The following FAM168A variants were observed in gnomAD, a reference collection of about 807,000 sequenced individuals.
The protein encoded by FAM168A is family with sequence similarity 168 member A.
In FAM168A, 3 loss-of-function variants were observed where a neutral mutation model predicts 28.5. That is an observed-to-expected ratio of 0.11 (90% CI 0.05 to 0.27). The LOEUF is 0.27. Ranked by LOEUF, FAM168A falls within the 10% of genes least tolerant of loss-of-function variation. The pLI is 1.00. For missense variants in FAM168A, 222 were observed against 311.5 expected (o/e 0.71, Z 2.16); for synonymous variants, 122 against 124.2 (o/e 0.98, Z 0.12).
chr11:73,543,486 C>A (rs541743945), intron 1 of FAM168A, among the ~76,000 whole-genome samples: 9 of 152,170 alleles, frequency 5.9e-5, no homozygotes, highest in African/African-American at 1.9e-4. Context: ...GTCTCAAACT[C>A]CCGACTTCAG....
intron 1 of FAM168A, among the ~76,000 whole-genome samples, chr11:73,541,142 T>A (rs985435301): frequency 6.6e-6 from 1 of 151,450 alleles, no homozygotes; most frequent in Non-Finnish European, 1.5e-5. Flanking sequence ...GAGGTGGAGG[T>A]TGCAGTGAGC....
chr11:73,407,537 G>T lies in FAM168A; in HGVS notation c.702C>A (p.His234Gln). ...CTTGGATGGGCTGCAGGCTTTACCA[G>T]TGTGGGGGCACGTAGCTGTACGCAG... ...GTPAYSYVPP[H>Q]W The change falls in exon 7 of 8, where the codon CAC becomes CAA. Residue 234 changes from histidine (H) to glutamine (Q), a missense_variant. By Grantham distance (24) the His-to-Gln change is conservative. This residue lies in a region of FAM168A where 64 missense variants were observed against 94.6 expected (regional missense o/e 0.68). Transcript: ENST00000356467. 1 of 1,589,264 alleles carries T rather than the reference G, an allele frequency of 6.3e-7. No homozygotes were observed. The highest frequency in any genetic ancestry group is 8.5e-7 in the Non-Finnish European group (1 of 1,171,450).
chr11:73,556,128 T>TG (rs11383361), intron 1 of FAM168A, among the ~76,000 whole-genome samples: 152,070 of 152,070 alleles, frequency 1, 76,035 homozygotes, highest in Non-Finnish European at 1. Flanking sequence ...GAGGATCATT[T>TG]GGGCCAGGAG....
chr11:73,471,189 G>C (rs1186098384), intron 1 of FAM168A, among the ~76,000 whole-genome samples: 2 of 152,088 alleles, frequency 1.3e-5, no homozygotes, highest in African/African-American at 4.8e-5. Flanking sequence ...ATAGTTTCAG[G>C]GACAGGCTAA....
chr11:73,544,003 A>T (rs1332032651), intron 1 of FAM168A, among the ~76,000 whole-genome samples: 1 of 152,188 alleles, frequency 6.6e-6, no homozygotes, highest in Non-Finnish European at 1.5e-5. Flanking sequence ...ATGGTGGCAC[A>T]TGCCTGTAGT....
chr11:73,595,759 A>G (rs1944434710), intron 1 of FAM168A, among the ~76,000 whole-genome samples: 1 of 152,262 alleles, frequency 6.6e-6, no homozygotes, highest in South Asian at 2.1e-4. Flanking sequence ...TCATTCCCCA[A>G]AAAATAAAAT....
At chr11:73,483,193 C>T (rs1382073175) in intron 1 of FAM168A, among the ~76,000 whole-genome samples, 14 of 152,134 alleles carry the variant, frequency 9.2e-5, no homozygotes, top group African/African-American at 2.7e-4. Context: ...CATGTAAACA[C>T]GATAAATTGT....
chr11:73,566,237 T>A (rs188813930), intron 1 of FAM168A, among the ~76,000 whole-genome samples: 1 of 152,240 alleles, frequency 6.6e-6, no homozygotes, highest in South Asian at 2.1e-4. Context: ...TTGTGTCTAT[T>A]GTAAATTAAA....
chr11:73,434,683 A>G (rs1336635091), intron 2 of FAM168A, among the ~76,000 whole-genome samples: 4 of 152,240 alleles, frequency 2.6e-5, no homozygotes, highest in Non-Finnish European at 4.4e-5. Flanking sequence ...GTGAGGACTT[A>G]GACTTCTATT....
intron 1 of FAM168A, among the ~76,000 whole-genome samples, chr11:73,477,581 C>T (rs967268159): frequency 6.6e-6 from 1 of 151,796 alleles, no homozygotes; most frequent in African/African-American, 2.4e-5. Context: ...GAGAAAATTT[C>T]AAAAGTGGCA....
Position 73,400,917 on chromosome 11 carries a change from A to G in FAM168A, c.*5846T>C, listed in dbSNP as rs1166683587. On this transcript the variant is annotated 3_prime_UTR_variant, in exon 8 of 8. Coordinates refer to ENST00000356467, the MANE Select transcript of FAM168A (RefSeq NM_015159.3). ...TGATCACTGTCTGATCTTCAAAACA[A>G]AACAAAAACCCAAAAGAATCCAAAA... is the stretch of plus-strand genomic sequence containing the variant. The G allele has an allele frequency of 1.3e-5, 2 of 152,098 alleles. No homozygotes were observed. Among genetic ancestry groups the G allele is most frequent in the African/African-American group, 2.4e-5 (1 of 41,398 alleles). The allele number at this position is 152,098 out of a possible 1,614,324, so 9.4% of individuals were successfully genotyped here.
In FAM168A at chr11:73,468,426, G is replaced by T. The variant is rs1867769048; in HGVS notation, c.49C>A (p.Pro17Thr). The change falls in exon 2 of 8, where the codon CCT (proline) becomes ACT (threonine). Residue 17 changes from proline to threonine, a missense_variant. By Grantham distance (38) the Pro-to-Thr change is conservative. Coordinates refer to ENST00000356467, the MANE Select transcript of FAM168A (RefSeq NM_015159.3). ...PVQPGAPYGNPKNMAYTGYPT... is the reference protein window; with the variant it reads ...PVQPGAPYGNTKNMAYTGYPT... ...TCACCCGTGTAGGCCATGTTCTTAG[G>T]GTTGCCATAAGGAGCCCCAGGCTGC... 1.2e-6 allele frequency: 2 copies of T among 1,613,920 alleles called. No homozygotes were observed. Among genetic ancestry groups the T allele is most frequent in the African/African-American group, 2.7e-5 (2 of 74,900 alleles).
intron 2 of FAM168A, among the ~76,000 whole-genome samples, chr11:73,462,629 A>G (rs1867667004): frequency 6.6e-6 from 1 of 152,196 alleles, no homozygotes; most frequent in African/African-American, 2.4e-5. Flanking sequence ...TAGTCCCAGC[A>G]CTTTGTGAGG....
intron 2 of FAM168A, among the ~76,000 whole-genome samples, chr11:73,455,101 G>A (rs912396518): frequency 2.6e-5 from 4 of 152,190 alleles, no homozygotes; most frequent in East Asian, 3.8e-4. Flanking sequence ...ACTGTAACAC[G>A]CCCTCTGGGG....
chr11:73,490,614 G>A (rs1868114596), intron 1 of FAM168A, among the ~76,000 whole-genome samples: 1 of 152,072 alleles, frequency 6.6e-6, no homozygotes, highest in Non-Finnish European at 1.5e-5. Flanking sequence ...CAGGGCTTTG[G>A]CATCTATTCT....
chr11:73,466,986 GA>G (rs904348048), intron 2 of FAM168A, among the ~76,000 whole-genome samples: 2 of 147,632 alleles, frequency 1.4e-5, no homozygotes, highest in African/African-American at 2.5e-5. Context: ...GTTAAAAAAA[GA>G]AAAAAAAAAT....
chr11:73,597,444 G>C (rs1944449808), intron 1 of FAM168A, among the ~76,000 whole-genome samples: 1 of 151,490 alleles, frequency 6.6e-6, no homozygotes, highest in Non-Finnish European at 1.5e-5. Context: ...ACTACGCAGG[G>C]CCCTAACCAA....
intron 1 of FAM168A, among the ~76,000 whole-genome samples, chr11:73,484,254 C>A (rs911171175): frequency 2.0e-5 from 3 of 152,016 alleles, no homozygotes; most frequent in African/African-American, 7.3e-5. Context: ...TATTTATTAT[C>A]CCCGTTTTAA....
chr11:73,548,481 A>G (rs1943787248), intron 1 of FAM168A, among the ~76,000 whole-genome samples: 1 of 152,210 alleles, frequency 6.6e-6, no homozygotes, highest in Non-Finnish European at 1.5e-5. Flanking sequence ...AGGGGCTCCA[A>G]GACAGTGTAA....
Sources: allele counts gnomAD v4.1 joint callset (sites outside exome capture counted in the v4.1 genomes callset), GRCh38; gene constraint gnomAD v4.1.1; regional missense constraint gnomAD v4.1.1; transcripts MANE v1.5; gene names NCBI Gene and HGNC (gene_info 2026-07-23, HGNC 2026-07-21).